The following ELOVL6 variants were observed in gnomAD, a reference collection of about 807,000 sequenced individuals.
The protein encoded by ELOVL6 is very long chain fatty acid elongase 6.
ELOVL6 carries 8 observed loss-of-function variants against 31.7 expected under a neutral mutation model. The ratio of observed to expected loss-of-function variants is 0.25; its 90% CI spans 0.15 to 0.45. ELOVL6 has a LOEUF of 0.45. ELOVL6 is among the 20% of genes least tolerant of loss of function. The pLI is 1.00. For missense variants in ELOVL6, 126 were observed against 326.4 expected, an observed-to-expected ratio of 0.39 and a Z score of 4.73; for synonymous variants, 101 against 117.7, an observed-to-expected ratio of 0.86 and a Z score of 0.92.
intron 2 of ELOVL6, among the ~76,000 whole-genome samples, chr4:110,090,785 A>G (rs1756403798): frequency 6.6e-6 from 1 of 151,762 alleles, no homozygotes; most frequent in Admixed American, 6.6e-5. Context: ...TTGTATCTTT[A>G]GCAGAGATGG....
rs1754696507 is a variant in ELOVL6, at chr4:110,046,293, A to G, written c.*5045T>C. Reference sequence around the variant, plus strand: ...ATGTGGCTTGACCCTGACTTATGGGACCAGTTATTAATTTAACCAGTTACT... The same window carrying G: ...ATGTGGCTTGACCCTGACTTATGGGGCCAGTTATTAATTTAACCAGTTACT... On this transcript the variant is annotated 3_prime_UTR_variant, in exon 4 of 4. Coordinates refer to ENST00000302274, the MANE Select transcript of ELOVL6 (RefSeq NM_024090.3). 6.6e-6 allele frequency: 1 copy of G among 152,194 alleles called. No individual in the cohort carries two copies. Among genetic ancestry groups the G allele is most frequent in the Admixed American group, 6.5e-5 (1 of 15,274 alleles). 9.4% of individuals were successfully genotyped at this position (152,194 alleles called of 1,614,324 possible).
chr4:110,070,603 G>C (rs564615985), intron 2 of ELOVL6, among the ~76,000 whole-genome samples: 1 of 152,150 alleles, frequency 6.6e-6, no homozygotes, highest in East Asian at 1.9e-4. Flanking sequence ...AAAATCTCAC[G>C]TTGAACTGTA....
chr4:110,155,385 G>A (rs1345288046), intron 1 of ELOVL6, among the ~76,000 whole-genome samples: 1 of 151,706 alleles, frequency 6.6e-6, no homozygotes, highest in African/African-American at 2.4e-5. Context: ...TGAGAGCATA[G>A]GAAACTCCTA....
chr4:110,124,360 G>C (rs1472796795), intron 1 of ELOVL6, among the ~76,000 whole-genome samples: 1 of 152,116 alleles, frequency 6.6e-6, no homozygotes, highest in East Asian at 1.9e-4. Flanking sequence ...ATACACCATG[G>C]AACACTATGC....
At chr4:110,190,649 C>T (rs1414181091) in intron 1 of ELOVL6, among the ~76,000 whole-genome samples, 4 of 151,876 alleles carry the variant, frequency 2.6e-5, no homozygotes, top group African/African-American at 7.3e-5. Flanking sequence ...GGATTACAGG[C>T]GCCCGCCACC....
intron 1 of ELOVL6, among the ~76,000 whole-genome samples, chr4:110,152,752 G>A (rs1372734203): frequency 6.6e-6 from 1 of 152,178 alleles, no homozygotes; most frequent in Non-Finnish European, 1.5e-5. Context: ...CAACCAGGTT[G>A]CTATATATAG....
chr4:110,142,936 A>G (rs6835929), intron 1 of ELOVL6, among the ~76,000 whole-genome samples: 19,139 of 152,148 alleles, frequency 0.13, 1,702 homozygotes, highest in East Asian at 0.35. Context: ...ATTAGCCCCC[A>G]TGCAATTCCC....
chr4:110,105,783 G>A (rs1015696792), intron 1 of ELOVL6, among the ~76,000 whole-genome samples, 155 bp from the exon 2 acceptor site: 3 of 152,198 alleles, frequency 2.0e-5, no homozygotes, highest in Non-Finnish European at 4.4e-5. Context: ...GCAAACTAGT[G>A]TTCTGTTGAA....
intron 3 of ELOVL6, among the ~76,000 whole-genome samples, chr4:110,054,276 A>C (rs183584981): frequency 6.6e-6 from 1 of 152,276 alleles, no homozygotes; most frequent in Non-Finnish European, 1.5e-5. Context: ...ACCCTCATAC[A>C]TATACTTAAG....
rs1308142873 is a variant in ELOVL6, at chr4:110,049,133, G to T, written c.*2205C>A. 2.6e-5 allele frequency: 4 copies of T among 152,186 alleles called. No individual in the cohort carries two copies. The highest frequency in any genetic ancestry group is 4.4e-5 in the Non-Finnish European group (3 of 68,028). The allele number at this position is 152,186 out of a possible 1,614,324, so 9.4% of individuals were successfully genotyped here. A position where few individuals can be genotyped will look rare whatever the true frequency, so the allele number is the denominator to read the frequency against. On this transcript the variant is annotated 3_prime_UTR_variant, in exon 4 of 4. Transcript: ENST00000302274. ...ATTTGCGAAGCTCAAAATAACATTTGCATCCTAAGCATCTATTAGCTCTTA... is the reference window on the plus strand; with the variant it reads ...ATTTGCGAAGCTCAAAATAACATTTTCATCCTAAGCATCTATTAGCTCTTA...
chr4:110,071,006 A>G (rs924991081), intron 2 of ELOVL6, among the ~76,000 whole-genome samples: 18 of 152,220 alleles, frequency 1.2e-4, no homozygotes, highest in African/African-American at 4.3e-4. Context: ...TTATCTGTAT[A>G]GAGTCTTCCC....
intron 2 of ELOVL6, 35 bp downstream of exon 2, chr4:110,105,462 G>A (rs1378239721): frequency 3.8e-6 from 6 of 1,571,702 alleles, no homozygotes; most frequent in South Asian, 1.2e-5. Flanking sequence ...GTGATAAAAT[G>A]GATACGTTTT....
chr4:110,057,799 C>A lies in ELOVL6; in HGVS notation c.373+1804G>T, dbSNP rs537351034. ...CCGGGACACGGAGGTTGCAGTGAGC[C>A]GAGATCGCGCCACTGCACTCCAGCC... On this transcript the variant is annotated intron_variant, in intron 3 of 3. Transcript: ENST00000302274. 2.0e-5 allele frequency among the ~76,000 whole-genome samples: 3 copies of A among 148,082 alleles called. No individual in the cohort carries two copies. In the East Asian group the frequency reaches 6.0e-4, roughly 30 times the overall value.
In ELOVL6 at chr4:110,096,879, G is replaced by A. The variant is rs893719598; in HGVS notation, c.221+8618C>T. Among the ~76,000 whole-genome samples the A allele has an allele frequency of 2.6e-4, 40 of 152,150 alleles. 1 individual carries two copies. Among genetic ancestry groups the A allele is most frequent in the Admixed American group, 2.6e-3 (40 of 15,276 alleles). ...CAATTTGTTAGGCAGTTATGTGAAT[G>A]TGTGTATAGGTTAACAGACCAACAA... On this transcript the variant is annotated intron_variant, in intron 2 of 3. Transcript: ENST00000302274.
chr4:110,128,431 A>G (rs1054679830), intron 1 of ELOVL6, among the ~76,000 whole-genome samples: 4 of 152,210 alleles, frequency 2.6e-5, no homozygotes, highest in Non-Finnish European at 5.9e-5. Flanking sequence ...GATTTGTGAT[A>G]TATAAAGATC....
chr4:110,087,804 T>A (rs56321741), intron 2 of ELOVL6, among the ~76,000 whole-genome samples: 19,322 of 142,358 alleles, frequency 0.14, 1,327 homozygotes, highest in African/African-American at 0.15. Flanking sequence ...AATAAAATTG[T>A]AAAAAAAAAA....
At chr4:110,071,246 G>T (rs780109572) in intron 2 of ELOVL6, among the ~76,000 whole-genome samples, 4 of 152,078 alleles carry the variant, frequency 2.6e-5, no homozygotes, top group Non-Finnish European at 5.9e-5. Flanking sequence ...ATCTTTTAAA[G>T]ATCACATTGT....
rs183034777 is a variant in ELOVL6, at chr4:110,189,920, T to C, written c.89+8327A>G. ...AGGCAGAGCTTGCACTGAGCCGAGA[T>C]CATGCCACTGCACTCCAGCCTGGGC... On this transcript the variant is annotated intron_variant, in intron 1 of 3. Coordinates refer to ENST00000302274, the MANE Select transcript of ELOVL6 (RefSeq NM_024090.3). Among the ~76,000 whole-genome samples the C allele has an allele frequency of 7.4e-4, 112 of 150,612 alleles. 1 individual carries two copies. In the East Asian group the frequency reaches 0.012, roughly 16 times the overall value.
intron 1 of ELOVL6, among the ~76,000 whole-genome samples, chr4:110,184,742 T>C (rs1465790663): frequency 6.6e-6 from 1 of 151,972 alleles, no homozygotes; most frequent in Non-Finnish European, 1.5e-5. Context: ...AAAAGGGAGA[T>C]GAGTACTTTC....
Sources: allele counts gnomAD v4.1 joint callset (sites outside exome capture counted in the v4.1 genomes callset), GRCh38; gene constraint gnomAD v4.1.1; transcripts MANE v1.5; gene names NCBI Gene and HGNC (gene_info 2026-07-23, HGNC 2026-07-21).